Variants in SIPA1L1 observed in about 807,000 individuals in gnomAD.
SIPA1L1 encodes the protein signal-induced proliferation-associated 1-like protein 1.
A neutral mutation model predicts 162.7 loss-of-function variants in SIPA1L1; 26 were observed. The ratio of observed to expected loss-of-function variants is 0.16; its 90% CI spans 0.12 to 0.22. The LOEUF (loss-of-function observed/expected upper bound fraction) is 0.22, where lower values mean the gene tolerates loss of function less well. SIPA1L1 is among the 10% of genes least tolerant of loss of function. The pLI is 1.00. For synonymous variants in SIPA1L1, 829 were observed against 837.4 expected (o/e 0.99, Z 0.17); for missense variants, 1,874 against 2,241.0 (o/e 0.84, Z 3.31).
intron 7 of SIPA1L1, among the ~76,000 whole-genome samples, chr14:71,646,113 C>T (rs1003474557): frequency 3.3e-5 from 5 of 151,904 alleles, no homozygotes; most frequent in Non-Finnish European, 5.9e-5. Context: ...GTGACTTTAT[C>T]GTCCATCTTT....
In SIPA1L1 at chr14:71,723,744, G is replaced by C; in HGVS notation, c.4306G>C (p.Ala1436Pro). The change falls in exon 18 of 24, where the codon GCA becomes CCA. Residue 1436 changes from alanine to proline, a missense_variant. Around this residue, in one of 5 missense-constraint regions of SIPA1L1, gnomAD observed 936 missense variants for 1,051.9 expected, o/e 0.89. Coordinates refer to ENST00000381232, the MANE Select transcript of SIPA1L1 (RefSeq NM_001386936.1). ...TCATCCAGCTGCCCCCTCACAGCTC[G>C]CACCATCCTTCTCCTCCTCTTCCTC... The part of the protein sequence containing the change: ...ELHPAAPSQL[A>P]PSFSSSSSSS... 2 of 1,614,154 alleles carry C rather than the reference G, an allele frequency of 1.2e-6. No individual in the cohort carries two copies. The highest frequency in any genetic ancestry group is 1.7e-6 in the Non-Finnish European group (2 of 1,180,028).
At chr14:71,471,730 C>G (rs187906623) in intron 2 of SIPA1L1, among the ~76,000 whole-genome samples, 2 of 152,298 alleles carry the variant, frequency 1.3e-5, no homozygotes, top group Admixed American at 1.3e-4. Flanking sequence ...GTCTGGTGGA[C>G]AGAACAGGTT....
chr14:71,475,371 T>C (rs2047763304), intron 2 of SIPA1L1, among the ~76,000 whole-genome samples: 1 of 152,222 alleles, frequency 6.6e-6, no homozygotes, highest in Non-Finnish European at 1.5e-5. Context: ...TGATTTTTTT[T>C]TATTAATTGG....
At chr14:71,376,235 T>C (rs1595094206) in intron 2 of SIPA1L1, among the ~76,000 whole-genome samples, 1 of 152,248 alleles carries the variant, frequency 6.6e-6, no homozygotes, top group East Asian at 1.9e-4. Context: ...TACTTAGACT[T>C]TTTCTTTCTT....
chr14:71,436,538 C>CT (rs1376812352), intron 2 of SIPA1L1, among the ~76,000 whole-genome samples: 2 of 152,082 alleles, frequency 1.3e-5, no homozygotes, highest in Non-Finnish European at 1.5e-5. Context: ...CACATTTTAT[C>CT]TTATCAAATT....
Position 71,645,650 on chromosome 14 carries a change from T to C in SIPA1L1, c.1819-4685T>C, listed in dbSNP as rs548313806. Among the ~76,000 whole-genome samples, 4 of 152,152 alleles carry C rather than the reference T, an allele frequency of 2.6e-5. No individual in the cohort carries two copies. The East Asian group carries it at 7.7e-4, about 29-fold the overall frequency. ...GGTTTTTATTTGGGGAAGGGGTGAG[T>C]GTATAGCGGAGAAAAAGAATGCAAG... On this transcript the variant is annotated intron_variant, in intron 7 of 23. Coordinates refer to ENST00000381232, the MANE Select transcript of SIPA1L1 (RefSeq NM_001386936.1).
chr14:71,646,971 C>A (rs1030180013), intron 7 of SIPA1L1, among the ~76,000 whole-genome samples: 1 of 152,132 alleles, frequency 6.6e-6, no homozygotes, highest in Admixed American at 6.5e-5. Context: ...ACTCCATGTA[C>A]ATTAGCTCCT....
At chr14:71,685,657 C>G in intron 13 of SIPA1L1, 26 bp downstream of exon 13, 4 of 1,610,934 alleles carry the variant, frequency 2.5e-6, no homozygotes, top group Non-Finnish European at 3.4e-6. Flanking sequence ...AAGGTTTGCT[C>G]TATCTCTCTC....
chr14:71,408,059 T>C (rs1213181708), intron 2 of SIPA1L1, among the ~76,000 whole-genome samples: 1 of 152,226 alleles, frequency 6.6e-6, no homozygotes, highest in Non-Finnish European at 1.5e-5. Context: ...TGAGTTGTTA[T>C]TAATGACTTT....
At chr14:71,476,222 T>A (rs998736414) in intron 2 of SIPA1L1, among the ~76,000 whole-genome samples, 3 of 152,112 alleles carry the variant, frequency 2.0e-5, no homozygotes, top group Non-Finnish European at 4.4e-5. Context: ...CCCGGTGGGG[T>A]AGAGATGGGC....
chr14:71,602,817 T>A (rs1442601399), intron 5 of SIPA1L1, among the ~76,000 whole-genome samples: 1 of 152,196 alleles, frequency 6.6e-6, no homozygotes, highest in African/African-American at 2.4e-5. Flanking sequence ...GGAGCGCAAA[T>A]GAACCCTACT....
chr14:71,733,231 C>G (rs1036744093), intron 20 of SIPA1L1, among the ~76,000 whole-genome samples: 4 of 152,090 alleles, frequency 2.6e-5, no homozygotes, highest in Admixed American at 2.6e-4. Context: ...AAAATAAGCC[C>G]TATTGTCCCC....
At chr14:71,592,803 C>T (rs998329002) in intron 5 of SIPA1L1, among the ~76,000 whole-genome samples, 5 of 152,110 alleles carry the variant, frequency 3.3e-5, no homozygotes, top group Admixed American at 1.3e-4. Flanking sequence ...AACATAGAAG[C>T]CAGGTCCATT....
At chr14:71,644,917 T>C (rs2148982347) in intron 7 of SIPA1L1, among the ~76,000 whole-genome samples, 2 of 152,344 alleles carry the variant, frequency 1.3e-5, no homozygotes, top group East Asian at 3.9e-4. Flanking sequence ...GTTAGGTTTT[T>C]ATTGCTGCTG....
intron 6 of SIPA1L1, among the ~76,000 whole-genome samples, chr14:71,619,995 C>T (rs962958841): frequency 6.6e-5 from 10 of 152,156 alleles, no homozygotes; most frequent in South Asian, 2.1e-4. Flanking sequence ...GCACGAAGAA[C>T]GTCATGTTCT....
At chr14:71,636,620 C>T (rs964071822) in intron 7 of SIPA1L1, among the ~76,000 whole-genome samples, 4 of 152,124 alleles carry the variant, frequency 2.6e-5, no homozygotes, top group Admixed American at 6.5e-5. Context: ...AATCTAAGCT[C>T]ATAACCTTAT....
chr14:71,509,696 A>G (rs2078069420), intron 2 of SIPA1L1, among the ~76,000 whole-genome samples: 1 of 151,218 alleles, frequency 6.6e-6, no homozygotes, highest in African/African-American at 2.4e-5. Flanking sequence ...GTGAACTGAG[A>G]TCACGCCATT....
At chr14:71,389,429 C>G (rs2040582127) in intron 2 of SIPA1L1, among the ~76,000 whole-genome samples, 1 of 152,166 alleles carries the variant, frequency 6.6e-6, no homozygotes. Flanking sequence ...GATTGATGAT[C>G]ATTGCTCAGA....
chr14:71,607,623 C>T (rs750544962), intron 5 of SIPA1L1, among the ~76,000 whole-genome samples: 2 of 152,118 alleles, frequency 1.3e-5, no homozygotes, highest in Non-Finnish European at 2.9e-5. Flanking sequence ...GAAGTTTCCT[C>T]AGTCAGATAA....
Sources: gnomAD v4.1 joint callset for allele counts (sites outside exome capture counted in the v4.1 genomes callset) on GRCh38, gnomAD v4.1.1 for gene constraint, gnomAD v4.1.1 regional missense constraint, MANE v1.5 for transcripts, NCBI Gene and HGNC (gene_info 2026-07-23, HGNC 2026-07-21) for gene names.